Variants in FANK1 observed in about 807,000 individuals in gnomAD.
FANK1 encodes fibronectin type III and ankyrin repeat domains 1.
A neutral mutation model predicts 45.3 loss-of-function variants in FANK1; 44 were observed. The ratio of observed to expected loss-of-function variants is 0.97; its 90% CI spans 0.76 to 1.25. The LOEUF is 1.25. FANK1 is among the 50% of genes most tolerant of loss of function. The probability of loss-of-function intolerance (pLI) is 0.00; values close to 1 mark genes in which losing one functional copy is unlikely to be tolerated. For missense variants in FANK1, 391 were observed against 424.4 expected (o/e 0.92, Z 0.69); for synonymous variants, 149 against 152.5 (o/e 0.98, Z 0.17).
At chr10:125,947,138 G>A (rs1387407642) in intron 1 of FANK1, among the ~76,000 whole-genome samples, 11 of 151,008 alleles carry the variant, frequency 7.3e-5, no homozygotes, top group South Asian at 2.1e-4. Context: ...AGGAACAACC[G>A]GTACCAGCTG....
chr10:125,898,407 C>T (rs972340335), intron 1 of FANK1, among the ~76,000 whole-genome samples: 11 of 151,936 alleles, frequency 7.2e-5, no homozygotes, highest in Admixed American at 1.3e-4. Flanking sequence ...TCAAGAACTC[C>T]TGAGGTCTTG....
At position 125,904,667 on chromosome 10, in the gene FANK1, C is replaced by T. The variant is rs200527712; in HGVS notation, c.13+8012C>T. ...CTGGGATTACAGGCATGAACCACTG[C>T]ACCCCGCTTAGTGTGCTGTTTTTAA... On this transcript the variant is annotated intron_variant, in intron 1 of 10. Coordinates refer to ENST00000368693, the MANE Select transcript of FANK1 (RefSeq NM_145235.5). Among the ~76,000 whole-genome samples, 10 of 151,992 alleles carry T rather than the reference C, an allele frequency of 6.6e-5. 1 individual carries two copies. In the South Asian group the frequency reaches 1.9e-3, roughly 29 times the overall value.
chr10:125,977,589 G>T (rs760561954), intron 1 of FANK1, among the ~76,000 whole-genome samples: 59 of 152,096 alleles, frequency 3.9e-4, no homozygotes, highest in Non-Finnish European at 7.5e-4. Context: ...CAGTGTTTAT[G>T]TTCCTTTCTC....
chr10:126,008,585 C>G, intron 8 of FANK1, 35 bp downstream of exon 8: 1 of 1,584,250 alleles, frequency 6.3e-7, no homozygotes, highest in Non-Finnish European at 8.6e-7. Flanking sequence ...CAGTTTTCTA[C>G]GTGGAATTAA....
chr10:125,929,419 C>A (rs1346382554), intron 1 of FANK1, among the ~76,000 whole-genome samples: 1 of 152,160 alleles, frequency 6.6e-6, no homozygotes, highest in African/African-American at 2.4e-5. Context: ...TTATGACAGA[C>A]AACAGCATTC....
intron 1 of FANK1, among the ~76,000 whole-genome samples, chr10:125,935,815 G>A (rs73368643): frequency 0.015 from 2,302 of 152,196 alleles, 56 homozygotes; most frequent in African/African-American, 0.051. Flanking sequence ...GGCTGGAATA[G>A]AAAGATAATT....
chr10:125,898,319 T>C (rs559955657), intron 1 of FANK1, among the ~76,000 whole-genome samples: 1 of 152,344 alleles, frequency 6.6e-6, no homozygotes, highest in East Asian at 1.9e-4. Flanking sequence ...TGCAGCTCTG[T>C]TCTAGGGATT....
At chr10:125,923,860 A>G (rs1367101618) in intron 1 of FANK1, among the ~76,000 whole-genome samples, 1 of 152,152 alleles carries the variant, frequency 6.6e-6, no homozygotes, top group African/African-American at 2.4e-5. Flanking sequence ...GAGTCTTTCT[A>G]TCTGTAGTAC....
Position 125,995,435 on chromosome 10 carries a change from A to T in FANK1, c.335A>T (p.Glu112Val). ...VSTTREPISS[E>V]HLHRAVSVND... ...TCTCCAGGAGAGCCCATAAGTAGTGAGCACTTGCACCGGGCTGTCAGTGTG... is the reference window on the plus strand; with the variant it reads ...TCTCCAGGAGAGCCCATAAGTAGTGTGCACTTGCACCGGGCTGTCAGTGTG... Residue 112 changes from glutamate to valine, a missense_variant, in exon 4 of 11, where the codon GAG (glutamate) becomes GTG (valine). Physicochemically the swap from Glu to Val is moderately radical, Grantham distance 121 (BLOSUM62 -2). Coordinates refer to ENST00000368693, the MANE Select transcript of FANK1 (RefSeq NM_145235.5). 1 of 1,614,146 alleles carries T rather than the reference A, an allele frequency of 6.2e-7. No individual in the cohort carries two copies.
chr10:126,005,043 C>T lies in FANK1; in HGVS notation c.699C>T (p.Gly233=). 6.2e-7 allele frequency: 1 copy of T among 1,613,212 alleles called. No homozygotes were observed. Among genetic ancestry groups the T allele is most frequent in the Non-Finnish European group, 8.5e-7 (1 of 1,179,560 alleles). ...TGATTGAGTGGATGATAAAGGATGGCTGTGAGGTACGGGACCTGCCTTGTT... is the reference window on the plus strand; with the variant it reads ...TGATTGAGTGGATGATAAAGGATGGTTGTGAGGTACGGGACCTGCCTTGTT... ...CSVIEWMIKD[G]CEVDVVDTGS... is the part of the protein sequence containing the mutation. The change falls in exon 7 of 11, where the codon GGC becomes GGT. Residue 233 remains glycine, a synonymous_variant. Coordinates refer to ENST00000368693, the MANE Select transcript of FANK1 (RefSeq NM_145235.5).
chr10:125,987,749 C>T (rs911124510), intron 2 of FANK1, among the ~76,000 whole-genome samples: 4 of 152,018 alleles, frequency 2.6e-5, no homozygotes, highest in Non-Finnish European at 5.9e-5. Flanking sequence ...AGAATGCATG[C>T]CAAGTCAAAG....
intron 1 of FANK1, among the ~76,000 whole-genome samples, chr10:125,950,089 T>G (rs985696898): frequency 2.1e-5 from 3 of 142,848 alleles, no homozygotes; most frequent in South Asian, 2.4e-4. Context: ...CTGGATCCCT[T>G]CCTTACACCT....
chr10:125,994,532 T>G, intron 3 of FANK1: 1 of 985,442 alleles, frequency 1.0e-6, no homozygotes, highest in South Asian at 4.7e-5. Flanking sequence ...GCTGCTGTAC[T>G]GTCACCCCCA....
At chr10:125,928,917 T>A (rs1947562512) in intron 1 of FANK1, among the ~76,000 whole-genome samples, 1 of 152,260 alleles carries the variant, frequency 6.6e-6, no homozygotes, top group African/African-American at 2.4e-5. Flanking sequence ...TGAATAAAGA[T>A]GATTAATTTT....
At chr10:125,939,931 A>AT (rs1354019729) in intron 1 of FANK1, among the ~76,000 whole-genome samples, 69 of 150,386 alleles carry the variant, frequency 4.6e-4, no homozygotes, top group African/African-American at 1.6e-3. Flanking sequence ...TATTATTATT[A>AT]TTATTTTTTT....
rs375378454 is a variant in FANK1 at position 125,949,760 on chromosome 10, A to T, written c.14-30401A>T. Among the ~76,000 whole-genome samples, 223 of 150,474 alleles carry T rather than the reference A, an allele frequency of 1.5e-3. 3 individuals are homozygous for T. The East Asian group carries it at 0.038, about 26-fold the overall frequency. The stretch of plus-strand genomic sequence containing the variant: ...GACTTTCTTCACAGAATTGGAAAAA[A>T]ACTACTTTAAAGTTCATATGGAACC... On this transcript the variant is annotated intron_variant, in intron 1 of 10. Transcript: ENST00000368693.
chr10:125,991,024 A>ACAC (rs1365626057), intron 3 of FANK1, among the ~76,000 whole-genome samples: 9 of 152,164 alleles, frequency 5.9e-5, no homozygotes, highest in African/African-American at 2.2e-4. Flanking sequence ...CACTCCCATG[A>ACAC]CACATGTGAA....
At chr10:125,995,721 A>T (rs1362986770) in intron 4 of FANK1, among the ~76,000 whole-genome samples, 2 of 152,100 alleles carry the variant, frequency 1.3e-5, no homozygotes, top group African/African-American at 2.4e-5. Flanking sequence ...TAGAAATTGT[A>T]AAAGGAATTA....
intron 1 of FANK1, among the ~76,000 whole-genome samples, chr10:125,961,800 C>T (rs937442590): frequency 6.6e-6 from 1 of 152,048 alleles, no homozygotes; most frequent in African/African-American, 2.4e-5. Context: ...AAAAGTTAGC[C>T]AGATGTGATG....
Sources: gnomAD v4.1 joint callset for allele counts (sites outside exome capture counted in the v4.1 genomes callset) on GRCh38, gnomAD v4.1.1 for gene constraint, MANE v1.5 for transcripts, NCBI Gene and HGNC (gene_info 2026-07-23, HGNC 2026-07-21) for gene names.